DPP10: variants seen among roughly 807,000 people sequenced by gnomAD.
The protein encoded by DPP10 is dipeptidyl peptidase like 10, also known as inactive dipeptidyl peptidase 10.
Under a neutral mutation model 120.9 loss-of-function variants are expected in DPP10, and 33 were observed. That is an observed-to-expected ratio of 0.27 (90% CI 0.21 to 0.37). The LOEUF (loss-of-function observed/expected upper bound fraction) is 0.37. Among genes scored for constraint, DPP10 ranks in the 10% least tolerant of loss-of-function variants. The pLI, the probability that DPP10 is intolerant of heterozygous loss-of-function variation, is 1.00. For missense variants in DPP10, 816 were observed against 942.8 expected, an observed-to-expected ratio of 0.87 and a Z score of 1.76; for synonymous variants, 337 against 326.1, an observed-to-expected ratio of 1.03 and a Z score of -0.36.
intron 7 of DPP10, among the ~76,000 whole-genome samples, chr2:115,695,660 G>C (rs76711071): frequency 0.052 from 7,875 of 152,148 alleles, 683 homozygotes; most frequent in African/African-American, 0.18. Context: ...AATTCAAGGT[G>C]CAATTTCAGT....
Position 115,611,663 on chromosome 2 carries a change from C to T in DPP10, c.442-78024C>T, listed in dbSNP as rs114014541. On this transcript the variant is annotated intron_variant, in intron 5 of 25. Coordinates refer to ENST00000410059, the MANE Select transcript of DPP10 (RefSeq NM_020868.6). ...TTATAGAATTATTGCATTTTAGAAT[C>T]GAACTTTGAAGCATGTTACTGAAGC... Among the ~76,000 whole-genome samples, 1,213 of 152,182 alleles carry T rather than the reference C, an allele frequency of 8.0e-3. 17 individuals are homozygous for T. The highest frequency in any genetic ancestry group is 0.028 in the African/African-American group (1,166 of 41,538).
At chr2:115,603,367 A>G (rs2083471229) in intron 5 of DPP10, among the ~76,000 whole-genome samples, 1 of 124,478 alleles carries the variant, frequency 8.0e-6, no homozygotes, top group Non-Finnish European at 1.6e-5. Context: ...ACAAAACCCA[A>G]CTCTAGTCTT....
chr2:115,208,129 A>G (rs937394642), intron 1 of DPP10, among the ~76,000 whole-genome samples: 3 of 152,028 alleles, frequency 2.0e-5, no homozygotes, highest in Admixed American at 6.6e-5. Context: ...TTAAAGCTAG[A>G]TAGTATCAAA....
At position 115,472,478 on chromosome 2, in the gene DPP10, A is replaced by AT. The variant is rs199609270; in HGVS notation, c.272-27024dup. 7.5e-3 allele frequency among the ~76,000 whole-genome samples: 1,135 copies of AT among 152,172 alleles called. 6 individuals carry two copies. The highest frequency in any genetic ancestry group is 0.025 in the African/African-American group (1,036 of 41,516). ...TCAACATATGACCTATAAAAATGAGATTTTTTTTATTTCTTCACACTGAGT... is the reference window on the plus strand; with the variant it reads ...TCAACATATGACCTATAAAAATGAGATTTTTTTTTATTTCTTCACACTGAGT... On this transcript the variant is annotated intron_variant, in intron 3 of 25. Coordinates refer to ENST00000410059, the MANE Select transcript of DPP10 (RefSeq NM_020868.6).
chr2:114,592,982 T>TGTTC (rs1691588877), intron 1 of DPP10, among the ~76,000 whole-genome samples: 1 of 152,202 alleles, frequency 6.6e-6, no homozygotes, highest in African/African-American at 2.4e-5. Context: ...ATTTCATTTG[T>TGTTC]GTTCTACAAC....
At chr2:114,950,474 T>TA (rs1346564546) in intron 1 of DPP10, among the ~76,000 whole-genome samples, 4 of 151,516 alleles carry the variant, frequency 2.6e-5, no homozygotes, top group African/African-American at 4.9e-5. Flanking sequence ...TTTTTATTTT[T>TA]TTTTTGTATT....
chr2:114,751,014 A>G (rs563547530), intron 1 of DPP10, among the ~76,000 whole-genome samples: 197 of 152,300 alleles, frequency 1.3e-3, no homozygotes, highest in African/African-American at 4.5e-3. Context: ...ATCTAAGTCA[A>G]CCCTCTTGAA....
chr2:115,295,108 G>A (rs1278707442), intron 1 of DPP10, among the ~76,000 whole-genome samples: 1 of 151,942 alleles, frequency 6.6e-6, no homozygotes, highest in Non-Finnish European at 1.5e-5. Context: ...TTTAACTAAC[G>A]GTACTGACAG....
chr2:115,158,657 G>A (rs2052078847), intron 1 of DPP10, among the ~76,000 whole-genome samples: 1 of 151,864 alleles, frequency 6.6e-6, no homozygotes, highest in African/African-American at 2.4e-5. Context: ...TCAGTTATGA[G>A]AGTCTGATTT....
At chr2:115,332,510 T>G (rs1248199466) in intron 2 of DPP10, among the ~76,000 whole-genome samples, 1 of 152,216 alleles carries the variant, frequency 6.6e-6, no homozygotes, top group African/African-American at 2.4e-5. Flanking sequence ...CTTTTAATTG[T>G]GTTGTTAGGG....
chr2:115,499,181 A>G (rs1026067883), intron 3 of DPP10, among the ~76,000 whole-genome samples: 7 of 152,100 alleles, frequency 4.6e-5, no homozygotes, highest in Non-Finnish European at 8.8e-5. Flanking sequence ...GGTTTACTTT[A>G]GAGACTGGAG....
intron 16 of DPP10, 73 bp downstream of exon 16, chr2:115,781,068 A>G: frequency 8.0e-7 from 1 of 1,249,578 alleles, no homozygotes; most frequent in Non-Finnish European, 1.1e-6. Context: ...TGGTATCAGC[A>G]ACTATTACTC....
At chr2:115,251,486 A>G (rs2058749245) in intron 1 of DPP10, among the ~76,000 whole-genome samples, 1 of 152,156 alleles carries the variant, frequency 6.6e-6, no homozygotes, top group Middle Eastern at 3.2e-3. Context: ...TACTGCGACA[A>G]AAAATCCCCA....
At chr2:114,686,854 AT>A (rs1325285779) in intron 1 of DPP10, among the ~76,000 whole-genome samples, 3 of 151,916 alleles carry the variant, frequency 2.0e-5, no homozygotes, top group African/African-American at 7.2e-5. Context: ...TCACACATGC[AT>A]TCATCCTCTT....
chr2:114,492,429 G>A (rs988883934), intron 1 of DPP10, among the ~76,000 whole-genome samples: 3 of 151,726 alleles, frequency 2.0e-5, no homozygotes, highest in African/African-American at 4.8e-5. Flanking sequence ...TAACAGCAAC[G>A]GTAGGAACAC....
At chr2:115,276,786 T>G (rs544870292) in intron 1 of DPP10, among the ~76,000 whole-genome samples, 1 of 152,328 alleles carries the variant, frequency 6.6e-6, no homozygotes, top group East Asian at 1.9e-4. Flanking sequence ...CCTTTTTACC[T>G]TCTTTATTAA....
intron 1 of DPP10, among the ~76,000 whole-genome samples, chr2:115,116,766 T>G (rs1381916243): frequency 6.6e-6 from 1 of 152,204 alleles, no homozygotes; most frequent in African/African-American, 2.4e-5. Context: ...TTGGTATATT[T>G]TCTATAACAT....
chr2:115,428,892 A>T (rs2070724242), intron 3 of DPP10, among the ~76,000 whole-genome samples: 1 of 152,138 alleles, frequency 6.6e-6, no homozygotes, highest in Non-Finnish European at 1.5e-5. Flanking sequence ...ATCGGACCTT[A>T]TATTTAGATG....
chr2:115,130,174 G>C (rs2050269068), intron 1 of DPP10, among the ~76,000 whole-genome samples: 1 of 152,110 alleles, frequency 6.6e-6, no homozygotes, highest in South Asian at 2.1e-4. Context: ...GGAAGTTGTA[G>C]GCTATTCCAC....
Sources: allele counts gnomAD v4.1 joint callset (sites outside exome capture counted in the v4.1 genomes callset), GRCh38; gene constraint gnomAD v4.1.1; transcripts MANE v1.5; gene names NCBI Gene and HGNC (gene_info 2026-07-23, HGNC 2026-07-21).